TCEA3: variants seen among roughly 807,000 people sequenced by gnomAD.
TCEA3 encodes the protein transcription elongation factor A3.
A neutral mutation model predicts 44.0 loss-of-function variants in TCEA3; 36 were observed. The ratio of observed to expected loss-of-function variants is 0.82; its 90% CI spans 0.63 to 1.08. TCEA3 has a LOEUF of 1.08. Ranked by LOEUF, TCEA3 falls within the 50% of genes least tolerant of loss-of-function variation. The pLI is 0.00. For synonymous variants in TCEA3, 162 were observed against 159.7 expected (o/e 1.01, Z -0.11); for missense variants, 392 against 441.2 (o/e 0.89, Z 1.00).
intron 10 of TCEA3, among the ~76,000 whole-genome samples, chr1:23,383,018 G>A (rs1048759924): frequency 1.8e-4 from 27 of 152,340 alleles, no homozygotes; most frequent in Admixed American, 1.2e-3. Flanking sequence ...GGCGGCTCAC[G>A]CCTGTAATCC....
At chr1:23,424,516 C>A in intron 1 of TCEA3, 49 bp downstream of exon 1, 1 of 1,548,308 alleles carries the variant, frequency 6.5e-7, no homozygotes, top group East Asian at 2.3e-5. Flanking sequence ...CCGGGGCTTG[C>A]CCGCGCCTCC....
At chr1:23,404,041 C>A (rs761223813) in intron 5 of TCEA3, 3 of 685,624 alleles carry the variant, frequency 4.4e-6, no homozygotes, top group African/African-American at 1.8e-5. Flanking sequence ...GTGCCCGCAC[C>A]GCACCAGTCC....
At chr1:23,404,435 T>C (rs561859946) in intron 5 of TCEA3, among the ~76,000 whole-genome samples, 1 of 152,184 alleles carries the variant, frequency 6.6e-6, no homozygotes, top group South Asian at 2.1e-4. Flanking sequence ...TTGACTTTTA[T>C]AGTCATATTG....
At chr1:23,423,645 G>A (rs1640129179) in intron 1 of TCEA3, among the ~76,000 whole-genome samples, 1 of 152,238 alleles carries the variant, frequency 6.6e-6, no homozygotes. Context: ...AACAGGAACG[G>A]GAGGTGGGAA....
intron 9 of TCEA3, among the ~76,000 whole-genome samples, chr1:23,386,299 G>A (rs919783351): frequency 1.3e-5 from 2 of 151,398 alleles, no homozygotes; most frequent in Admixed American, 1.3e-4. Context: ...TCAATTCACT[G>A]TAGCCTCAAC....
intron 9 of TCEA3, among the ~76,000 whole-genome samples, chr1:23,386,845 T>C (rs1450853639): frequency 1.3e-5 from 2 of 152,110 alleles, no homozygotes; most frequent in East Asian, 1.9e-4. Context: ...CTCAGCCTCC[T>C]GAGTAGCTGG....
intron 4 of TCEA3, among the ~76,000 whole-genome samples, chr1:23,411,288 C>G (rs1266987516): frequency 6.6e-6 from 1 of 152,180 alleles, no homozygotes; most frequent in Non-Finnish European, 1.5e-5. Context: ...TCCCGAGTAG[C>G]TGGGATTACA....
At chr1:23,385,237 A>G (rs904201692) in intron 9 of TCEA3, among the ~76,000 whole-genome samples, 3 of 152,176 alleles carry the variant, frequency 2.0e-5, no homozygotes, top group Non-Finnish European at 4.4e-5. Context: ...CTTTGCTGAC[A>G]ATCAGCTACG....
chr1:23,392,609 TACAC>T (rs148531277), intron 8 of TCEA3, among the ~76,000 whole-genome samples: 3 of 30,938 alleles, frequency 9.7e-5, no homozygotes, highest in East Asian at 5.9e-4. Context: ...CCACACATCA[TACAC>T]ACACACACAC....
rs757404537 is a variant in TCEA3 at position 23,397,805 on chromosome 1, G to T, written c.594C>A (p.Ala198=). ...AGGCTCTCTCACCGTCCGCCTTCAGGGCTGCTGACAGCATCTCCACACACT... is the reference window on the plus strand; with the variant it reads ...AGGCTCTCTCACCGTCCGCCTTCAGTGCTGCTGACAGCATCTCCACACACT... ...RDKCVEMLSA[A]LKADDDYKDY... Residue 198 remains alanine, a synonymous_variant, in exon 6 of 11, where the codon GCC becomes GCA. Transcript: ENST00000450454. The T allele has an allele frequency of 2.4e-5, 39 of 1,613,686 alleles. No homozygotes were observed. The highest frequency in any genetic ancestry group is 5.3e-5 in the African/African-American group (4 of 74,840).
chr1:23,414,007 TATAA>T (rs1639814548), intron 4 of TCEA3, among the ~76,000 whole-genome samples: 1 of 147,900 alleles, frequency 6.8e-6, no homozygotes, highest in African/African-American at 2.5e-5. Flanking sequence ...TATATATATA[TATAA>T]ATTTTATATG....
intron 8 of TCEA3, among the ~76,000 whole-genome samples, chr1:23,392,418 T>TCATACACACA (rs1639069078): frequency 1.1e-3 from 1 of 936 alleles, no homozygotes; most frequent in Non-Finnish European, 2.0e-3. Flanking sequence ...TCATGCACAA[T>TCATACACACA]ACACACACAC....
At chr1:23,404,484 C>T (rs1019169144) in intron 5 of TCEA3, among the ~76,000 whole-genome samples, 3 of 152,038 alleles carry the variant, frequency 2.0e-5, no homozygotes, top group Non-Finnish European at 4.4e-5. Flanking sequence ...TTTATACCTA[C>T]CCCTTTCTAA....
At chr1:23,413,912 T>G (rs1420489795) in intron 4 of TCEA3, among the ~76,000 whole-genome samples, 3 of 150,746 alleles carry the variant, frequency 2.0e-5, no homozygotes, top group African/African-American at 7.3e-5. Context: ...AGAGTGTAAT[T>G]CAATTTTATT....
intron 9 of TCEA3, among the ~76,000 whole-genome samples, chr1:23,387,015 C>T (rs1054194322): frequency 3.2e-4 from 49 of 152,152 alleles, no homozygotes; most frequent in African/African-American, 1.1e-3. Context: ...CCACCGCGCC[C>T]GGCATTTTTG....
chr1:23,418,305 C>G (rs576525296), intron 2 of TCEA3: 1 of 374,644 alleles, frequency 2.7e-6, no homozygotes, highest in Non-Finnish European at 5.0e-6. Flanking sequence ...CCTCCCATTC[C>G]CAACCCTCTA....
chr1:23,390,445 C>T (rs1035937828), intron 8 of TCEA3, among the ~76,000 whole-genome samples: 1 of 152,074 alleles, frequency 6.6e-6, no homozygotes, highest in African/African-American at 2.4e-5. Flanking sequence ...TATGCCATTG[C>T]ACTCCAGCCT....
chr1:23,396,710 A>G (rs753639780), intron 7 of TCEA3, among the ~76,000 whole-genome samples: 1 of 152,084 alleles, frequency 6.6e-6, no homozygotes, highest in Non-Finnish European at 1.5e-5. Context: ...GTAAAAAAAC[A>G]GAGGGCAGGG....
At chr1:23,385,991 C>T (rs1558018742) in intron 9 of TCEA3, among the ~76,000 whole-genome samples, 1 of 152,148 alleles carries the variant, frequency 6.6e-6, no homozygotes, top group Non-Finnish European at 1.5e-5. Context: ...TTTCACATTG[C>T]CAAGTTCCCT....
Sources: allele counts gnomAD v4.1 joint callset (sites outside exome capture counted in the v4.1 genomes callset), GRCh38; gene constraint gnomAD v4.1.1; transcripts MANE v1.5; gene names NCBI Gene and HGNC (gene_info 2026-07-23, HGNC 2026-07-21).